The following NLRC4 variants were observed in gnomAD, a reference collection of about 807,000 sequenced individuals.
NLRC4 encodes NLR family CARD domain-containing protein 4.
A neutral mutation model predicts 79.9 loss-of-function variants in NLRC4; 63 were observed. The ratio of observed to expected loss-of-function variants is 0.79; its 90% CI spans 0.64 to 0.97. The LOEUF is 0.97. Among genes scored for constraint, NLRC4 ranks in the 50% least tolerant of loss-of-function variants. The pLI, the probability that NLRC4 is intolerant of heterozygous loss-of-function variation, is 0.00. For missense variants in NLRC4, 1,074 were observed against 1,215.2 expected (o/e 0.88, Z 1.73); for synonymous variants, 461 against 456.5 (o/e 1.01, Z -0.12).
intron 4 of NLRC4, among the ~76,000 whole-genome samples, chr2:32,249,236 A>C (rs1199926809): frequency 2.6e-5 from 4 of 152,230 alleles, no homozygotes; most frequent in African/African-American, 7.2e-5. Context: ...CAGCCCACGG[A>C]CTGCAGGTTG....
chr2:32,246,260 G>C (rs1686934274), intron 4 of NLRC4, among the ~76,000 whole-genome samples: 2 of 152,042 alleles, frequency 1.3e-5, no homozygotes, highest in Admixed American at 6.6e-5. Flanking sequence ...ACACCATATA[G>C]GCCAAATTCA....
In NLRC4 at chr2:32,252,351, G is replaced by C; in HGVS notation, c.262+68C>G. 5.2e-6 allele frequency: 6 copies of C among 1,156,332 alleles called. No homozygotes were observed. In the South Asian group the frequency reaches 5.4e-5, roughly 10 times the overall value. 71.6% of individuals were successfully genotyped at this position (1,156,332 alleles called of 1,614,324 possible). A position where few individuals can be genotyped will look rare whatever the true frequency, so the allele number is the denominator to read the frequency against. ...AAGGAAAAGCAGAGGCTCTGCCATG[G>C]GGAAGATGGATCTTTGTTGTGGTCT... On this transcript the variant is annotated intron_variant, in intron 3 of 8. Transcript: ENST00000402280.
intron 8 of NLRC4, among the ~76,000 whole-genome samples, chr2:32,233,557 T>C (rs1368938715): frequency 6.6e-6 from 1 of 151,786 alleles, no homozygotes; most frequent in East Asian, 1.9e-4. Flanking sequence ...TTCCAGAGCA[T>C]GTTGTTTAAT....
At chr2:32,243,795 CAAAAAAAA>C (rs796675444) in intron 4 of NLRC4, among the ~76,000 whole-genome samples, 3 of 67,382 alleles carry the variant, frequency 4.5e-5, no homozygotes. Flanking sequence ...GATTCCATCT[CAAAAAAAA>C]AAAAAAAAAG....
chr2:32,261,521 A>G (rs1252799741), intron 1 of NLRC4, among the ~76,000 whole-genome samples: 2 of 148,468 alleles, frequency 1.3e-5, no homozygotes, highest in Non-Finnish European at 1.5e-5. Context: ...CATGTTGGCC[A>G]GGATGGTCTC....
rs1024979530 is a variant in NLRC4, at chr2:32,224,884, C to A, written c.2783-119G>T. 3 of 593,712 alleles carry A rather than the reference C, an allele frequency of 5.1e-6. No individual in the cohort carries two copies. In the African/African-American group the frequency reaches 5.7e-5, roughly 11 times the overall value. 36.8% of individuals were successfully genotyped at this position (593,712 alleles called of 1,614,324 possible). ...CACTCTGAAATGGCCATGTTTGAAC[C>A]AGTGCTTTGCCTCAGAAAGAAATTA... On this transcript the variant is annotated intron_variant, in intron 8 of 8. Transcript: ENST00000402280.
intron 8 of NLRC4, among the ~76,000 whole-genome samples, 166 bp downstream of exon 8, chr2:32,235,235 G>T (rs1686644450): frequency 6.6e-6 from 1 of 152,148 alleles, no homozygotes; most frequent in African/African-American, 2.4e-5. Context: ...AGGAAGGCCA[G>T]TGTTTTAAGT....
chr2:32,241,490 C>T (rs1262657130), intron 4 of NLRC4, among the ~76,000 whole-genome samples: 1 of 151,282 alleles, frequency 6.6e-6, no homozygotes, highest in African/African-American at 2.4e-5. Context: ...CATTCTCCTG[C>T]CTCAGCCTCC....
intron 6 of NLRC4, among the ~76,000 whole-genome samples, chr2:32,237,745 T>G (rs531344488): frequency 5.3e-5 from 8 of 152,330 alleles, no homozygotes; most frequent in African/African-American, 1.9e-4. Context: ...TGGGTAGGAA[T>G]TAGAAGCCTG....
At chr2:32,253,278 T>C (rs1000772284) in intron 2 of NLRC4, among the ~76,000 whole-genome samples, 3 of 151,526 alleles carry the variant, frequency 2.0e-5, no homozygotes, top group African/African-American at 7.3e-5. Flanking sequence ...GCCTCCTGAG[T>C]AGCTGGGATT....
rs866927939 is a variant in NLRC4, at chr2:32,254,618, T to G, written c.2-1939A>C. On this transcript the variant is annotated intron_variant, in intron 2 of 8. Coordinates refer to ENST00000402280, the MANE Select transcript of NLRC4 (RefSeq NM_001199138.2). ...CCTGGGCTAGGCTGCTCCTGGTTTT[T>G]TTTTTTTTTTTTTTTTTCAGACGAA... 6.5e-3 allele frequency among the ~76,000 whole-genome samples: 965 copies of G among 148,662 alleles called. 27 individuals carry two copies. The highest frequency in any genetic ancestry group is 0.023 in the African/African-American group (923 of 39,692).
At chr2:32,254,330 C>T (rs539716086) in intron 2 of NLRC4, among the ~76,000 whole-genome samples, 1 of 138,376 alleles carries the variant, frequency 7.2e-6, no homozygotes, top group African/African-American at 2.7e-5. Context: ...CAGGTGTCAC[C>T]AGACAAAGAG....
intron 2 of NLRC4, 36 bp downstream of exon 2, chr2:32,256,739 G>T (rs779298265): frequency 1.3e-6 from 1 of 780,630 alleles, no homozygotes; most frequent in Non-Finnish European, 2.4e-6. Context: ...GTAGCAGACT[G>T]TATAACCAGG....
chr2:32,248,765 C>G (rs894783777), intron 4 of NLRC4, among the ~76,000 whole-genome samples: 1 of 148,470 alleles, frequency 6.7e-6, no homozygotes, highest in East Asian at 2.0e-4. Flanking sequence ...GACCCAACCT[C>G]GAAAAAAAAA....
chr2:32,241,633 C>T (rs925499399), intron 4 of NLRC4, among the ~76,000 whole-genome samples: 17 of 152,146 alleles, frequency 1.1e-4, no homozygotes, highest in African/African-American at 4.1e-4. Context: ...CTGCCTCGGC[C>T]TCCCGAAGTG....
intron 4 of NLRC4, among the ~76,000 whole-genome samples, chr2:32,249,080 A>C (rs991851262): frequency 1.1e-4 from 16 of 152,186 alleles, no homozygotes; most frequent in African/African-American, 3.6e-4. Context: ...GAACTTCTGA[A>C]GTATAGGCCT....
In NLRC4 at chr2:32,249,944, T is replaced by TG; in HGVS notation, c.1919dup (p.Glu641ArgfsTer34). ...CAGCCCTGCTGGGAATGTAGGTTTC[T>TG]GGGGCCTCTTCCATGTGGATTCCAC... On this transcript the variant is annotated frameshift_variant, in exon 4 of 9. Transcript: ENST00000402280. LOFTEE classifies it high-confidence loss of function. 1 of 1,614,240 alleles carries TG rather than the reference T, an allele frequency of 6.2e-7. No homozygotes were observed. Among genetic ancestry groups the TG allele is most frequent in the Non-Finnish European group, 8.5e-7 (1 of 1,180,046 alleles).
intron 2 of NLRC4, among the ~76,000 whole-genome samples, chr2:32,253,469 C>G (rs1482758857): frequency 6.6e-6 from 1 of 152,050 alleles, no homozygotes; most frequent in African/African-American, 2.4e-5. Context: ...TTTCTAACCC[C>G]AGAGTTATTG....
intron 5 of NLRC4, among the ~76,000 whole-genome samples, chr2:32,239,359 A>G (rs935434937): frequency 3.9e-5 from 6 of 152,210 alleles, no homozygotes; most frequent in African/African-American, 1.4e-4. Context: ...AAGGTTGCAG[A>G]TAATGTACGT....
Sources: allele counts gnomAD v4.1 joint callset (sites outside exome capture counted in the v4.1 genomes callset), GRCh38; gene constraint gnomAD v4.1.1; transcripts MANE v1.5; gene names NCBI Gene and HGNC (gene_info 2026-07-23, HGNC 2026-07-21).